The following CDH11 variants were observed in gnomAD, a reference collection of about 807,000 sequenced individuals.
CDH11 encodes the protein cadherin 11.
CDH11 carries 11 observed loss-of-function variants against 67.8 expected under a neutral mutation model. The observed-to-expected ratio is 0.16, with a 90% confidence interval of 0.10 to 0.27. The LOEUF (loss-of-function observed/expected upper bound fraction) is 0.27. Among genes scored for constraint, CDH11 ranks in the 10% least tolerant of loss-of-function variants. The pLI, the probability that CDH11 is intolerant of heterozygous loss-of-function variation, is 1.00. For missense variants in CDH11, 847 were observed against 1,031.2 expected (o/e 0.82, Z 2.45); for synonymous variants, 419 against 400.0 (o/e 1.05, Z -0.57).
intron 1 of CDH11, among the ~76,000 whole-genome samples, chr16:65,081,227 C>T (rs571572553): frequency 4.3e-4 from 65 of 152,032 alleles, no homozygotes; most frequent in Non-Finnish European, 7.1e-4. Context: ...ACAGATAAGC[C>T]ATTCAGTGCA....
chr16:65,050,400 C>T lies in CDH11; in HGVS notation c.-173+3404G>A, dbSNP rs1010259033. On this transcript the variant is annotated intron_variant, in intron 2 of 12. Transcript: ENST00000268603. ...TGACTGCTATATGCAGTTACCTGAC[C>T]ATAAACTCCTTGAGGAAAGAGGAAG... is the stretch of plus-strand genomic sequence containing the variant. Among the ~76,000 whole-genome samples, 6 of 152,272 alleles carry T rather than the reference C, an allele frequency of 3.9e-5. 1 individual carries two copies. Among genetic ancestry groups the T allele is most frequent in the South Asian group, 2.1e-4 (1 of 4,818 alleles).
intron 11 of CDH11, among the ~76,000 whole-genome samples, chr16:64,953,245 G>A (rs867958009): frequency 2.1e-4 from 32 of 150,904 alleles, no homozygotes; most frequent in East Asian, 5.8e-4. Flanking sequence ...TTTATTTTCC[G>A]TTAGATATCT....
intron 2 of CDH11, among the ~76,000 whole-genome samples, chr16:65,041,783 C>T (rs929392524): frequency 6.6e-6 from 1 of 152,202 alleles, no homozygotes; most frequent in Non-Finnish European, 1.5e-5. Flanking sequence ...ATTACAGATG[C>T]ACAGACTTTC....
chr16:65,015,789 G>A (rs534754887), intron 2 of CDH11, among the ~76,000 whole-genome samples: 2 of 152,284 alleles, frequency 1.3e-5, no homozygotes, highest in East Asian at 3.9e-4. Context: ...TATAAACAAT[G>A]AGAGGAGGAA....
At chr16:65,083,429 G>A (rs1206601601) in intron 1 of CDH11, among the ~76,000 whole-genome samples, 1 of 152,234 alleles carries the variant, frequency 6.6e-6, no homozygotes, top group Non-Finnish European at 1.5e-5. Flanking sequence ...AAATGGGCCA[G>A]GAGGGCCACA....
rs548380578 is a variant in CDH11, at chr16:65,091,168, A to G, written c.-298+30712T>C. Among the ~76,000 whole-genome samples, 10 of 152,296 alleles carry G rather than the reference A, an allele frequency of 6.6e-5. No homozygotes were observed. The South Asian group carries it at 2.1e-3, about 32-fold the overall frequency. Reference sequence around the variant, plus strand: ...CATGTAGCTACAACTCCTTTGTAATACTTCTAGTGACTGAATTTAGTCCAC... The same window carrying G: ...CATGTAGCTACAACTCCTTTGTAATGCTTCTAGTGACTGAATTTAGTCCAC... On this transcript the variant is annotated intron_variant, in intron 1 of 12. Transcript: ENST00000268603.
At position 64,971,048 on chromosome 16, in the gene CDH11, T is replaced by C. The variant is rs149834143; in HGVS notation, c.1642+531A>G. Among the ~76,000 whole-genome samples the C allele has an allele frequency of 1.5e-3, 233 of 152,286 alleles. 2 individuals carry two copies. Among genetic ancestry groups the C allele is most frequent in the African/African-American group, 5.5e-3 (228 of 41,552 alleles). On this transcript the variant is annotated intron_variant, in intron 11 of 12. Transcript: ENST00000268603. ...AGGGGAAGCAGAAATAGTATTAAAT[T>C]TTGCCGTTTTTATAATGGACAAACA...
rs189429103 is a variant in CDH11, at chr16:65,025,462, C to T, written c.-172-20421G>A. Reference sequence around the variant, plus strand: ...GGTTCAAACGATTCTCCTGCCTCAGCCTCCTGAGTAGCTGGGACTAAAGGC... The same window carrying T: ...GGTTCAAACGATTCTCCTGCCTCAGTCTCCTGAGTAGCTGGGACTAAAGGC... On this transcript the variant is annotated intron_variant, in intron 2 of 12. Transcript: ENST00000268603. Among the ~76,000 whole-genome samples the T allele has an allele frequency of 1.5e-3, 227 of 152,204 alleles. 1 individual carries two copies. In the East Asian group the frequency reaches 0.023, roughly 16 times the overall value.
At chr16:64,957,208 A>G (rs1157755561) in intron 11 of CDH11, among the ~76,000 whole-genome samples, 1 of 152,004 alleles carries the variant, frequency 6.6e-6, no homozygotes, top group Non-Finnish European at 1.5e-5. Flanking sequence ...TCCTCTGTCC[A>G]TCTCTTCTCT....
At chr16:65,055,673 T>C (rs1369331093) in intron 1 of CDH11, among the ~76,000 whole-genome samples, 1 of 152,182 alleles carries the variant, frequency 6.6e-6, no homozygotes, top group Non-Finnish European at 1.5e-5. Context: ...TAGATGAGAA[T>C]TTGGACTTTA....
chr16:65,062,523 C>G (rs1455187380), intron 1 of CDH11, among the ~76,000 whole-genome samples: 1 of 152,160 alleles, frequency 6.6e-6, no homozygotes, highest in Admixed American at 6.5e-5. Context: ...CCTCTGGGGC[C>G]ATTATACTCA....
At chr16:65,078,766 A>G (rs1472086365) in intron 1 of CDH11, among the ~76,000 whole-genome samples, 2 of 152,136 alleles carry the variant, frequency 1.3e-5, no homozygotes, top group Non-Finnish European at 2.9e-5. Context: ...GGGAACCTAG[A>G]CAGACTCCAG....
At chr16:65,065,142 T>C (rs1304474271) in intron 1 of CDH11, among the ~76,000 whole-genome samples, 1 of 152,120 alleles carries the variant, frequency 6.6e-6, no homozygotes, top group African/African-American at 2.4e-5. Context: ...AAATGCCAGT[T>C]CCGACATGGT....
chr16:65,087,000 T>G (rs1251579865), intron 1 of CDH11, among the ~76,000 whole-genome samples: 1 of 152,196 alleles, frequency 6.6e-6, no homozygotes, highest in Non-Finnish European at 1.5e-5. Flanking sequence ...CAGAGTGAAT[T>G]TTAAATGAGA....
In CDH11 at chr16:64,972,825, T is replaced by A. The variant is rs147128148; in HGVS notation, c.1390+79A>T. The A allele has an allele frequency of 2.7e-6, 4 of 1,455,120 alleles. No homozygotes were observed. In the Admixed American group the frequency reaches 7.9e-5, roughly 29 times the overall value. The allele number at this position is 1,455,120 out of a possible 1,614,324, so 90.1% of individuals were successfully genotyped here. On this transcript the variant is annotated intron_variant, in intron 9 of 12. Transcript: ENST00000268603. The stretch of plus-strand genomic sequence containing the variant: ...ACCAAAAAAGTTAGTCTATCTCAGC[T>A]ATTTTACTTTCCAGAATATAGAGTC...
chr16:64,949,416 T>C (rs1288186325), intron 12 of CDH11, among the ~76,000 whole-genome samples: 1 of 114,554 alleles, frequency 8.7e-6, no homozygotes, highest in Non-Finnish European at 1.7e-5. Context: ...TTAGGTGCCT[T>C]TTTTTTTTCT....
At chr16:64,950,678 T>C in intron 12 of CDH11, 89 bp downstream of exon 12, 2 of 1,314,042 alleles carry the variant, frequency 1.5e-6, no homozygotes, top group Non-Finnish European at 1.0e-6. Context: ...AGGGTCCTGG[T>C]TACCAGCCTG....
chr16:64,969,589 A>G (rs1358801949), intron 11 of CDH11, among the ~76,000 whole-genome samples: 1 of 152,230 alleles, frequency 6.6e-6, no homozygotes, highest in Non-Finnish European at 1.5e-5. Context: ...TTTGTCAGAA[A>G]ACTGATATAA....
Position 64,945,356 on chromosome 16 carries a change from TA to T in CDH11, c.*2246del. On this transcript the variant is annotated 3_prime_UTR_variant, in exon 13 of 13. Coordinates refer to ENST00000268603, the MANE Select transcript of CDH11 (RefSeq NM_001797.4). ...ACAAGTATTCTTAACTACTGAAAAG[TA>T]AACAGCCTTTTTAAAAAAGACTTCA... 1 of 956,298 alleles carries T rather than the reference TA, an allele frequency of 1.0e-6. No homozygotes were observed. The highest frequency in any genetic ancestry group is 1.9e-5 in the African/African-American group (1 of 53,742). 59.2% of individuals were successfully genotyped at this position (956,298 alleles called of 1,614,324 possible).
Sources: allele counts gnomAD v4.1 joint callset (sites outside exome capture counted in the v4.1 genomes callset), GRCh38; gene constraint gnomAD v4.1.1; transcripts MANE v1.5; gene names NCBI Gene and HGNC (gene_info 2026-07-23, HGNC 2026-07-21).